DNMT3L: variants seen among roughly 807,000 people sequenced by gnomAD.
The protein encoded by DNMT3L is DNA methyltransferase 3 like.
In DNMT3L, 33 loss-of-function variants were observed where a neutral mutation model predicts 36.2. That is an observed-to-expected ratio of 0.91 (90% CI 0.69 to 1.22). The LOEUF is 1.22. DNMT3L is among the 50% of genes most tolerant of loss of function. DNMT3L has a pLI of 0.00. For synonymous variants in DNMT3L, 117 were observed against 121.7 expected (o/e 0.96, Z 0.26); for missense variants, 310 against 303.1 (o/e 1.02, Z -0.17).
intron 1 of DNMT3L, 42 bp from the exon 2 acceptor site, chr21:44,261,308 GC>G: frequency 6.3e-7 from 1 of 1,586,894 alleles, no homozygotes; most frequent in Non-Finnish European, 8.6e-7. Flanking sequence ...AAAGCCGTCA[GC>G]CCCTGCTCAG....
chr21:44,261,390 C>T (rs2040317802), intron 1 of DNMT3L, 124 bp from the exon 2 acceptor site: 1 of 847,388 alleles, frequency 1.2e-6, no homozygotes, highest in Non-Finnish European at 1.8e-6. Flanking sequence ...CACCTGAACC[C>T]CCGCGGTGAC....
Position 44,259,662 on chromosome 21 carries a change from CAG to C in DNMT3L, c.199_200del (p.Leu67ValfsTer2). The stretch of plus-strand genomic sequence containing the variant: ...ATGGGGCGCAGATCCCTCCCTCAAA[CAG>C]AGGGTGCTGTGTGTGAACCTGGAGA... ...GSLQVHTQHP[L>X]FEGGICAPCK... On this transcript the variant is annotated frameshift_variant, in exon 4 of 12. Coordinates refer to ENST00000628202, the MANE Select transcript of DNMT3L (RefSeq NM_175867.3). LOFTEE classifies it high-confidence loss of function. 6.2e-7 allele frequency: 1 copy of C among 1,613,144 alleles called. No homozygotes were observed. The highest frequency in any genetic ancestry group is 8.5e-7 in the Non-Finnish European group (1 of 1,179,768).
chr21:44,256,277 G>A (rs1601950848), intron 6 of DNMT3L, 123 bp from the exon 7 acceptor site: 5 of 994,048 alleles, frequency 5.0e-6, no homozygotes, highest in Middle Eastern at 2.1e-4. Flanking sequence ...ACACACATAA[G>A]ACACACCTGC....
rs375693062 is a variant in DNMT3L, at chr21:44,259,429, C to A, written c.344+8G>T. 6.2e-7 allele frequency: 1 copy of A among 1,613,380 alleles called. No homozygotes were observed. Among genetic ancestry groups the A allele is most frequent in the Non-Finnish European group, 8.5e-7 (1 of 1,179,930 alleles). On this transcript the variant is annotated splice_region_variant and intron_variant, in intron 5 of 11. Coordinates refer to ENST00000628202, the MANE Select transcript of DNMT3L (RefSeq NM_175867.3). ...CCTTCACCCCCCTGGGCAGGCCCCTCGCCTCACCGGGTGCAATCAGGGTTT... is the reference window on the plus strand; with the variant it reads ...CCTTCACCCCCCTGGGCAGGCCCCTAGCCTCACCGGGTGCAATCAGGGTTT...
intron 6 of DNMT3L, among the ~76,000 whole-genome samples, chr21:44,257,513 C>T (rs1209449572): frequency 6.6e-6 from 1 of 151,592 alleles, no homozygotes; most frequent in African/African-American, 2.4e-5. Flanking sequence ...AACCCCGTCT[C>T]TACTAAAAAT....
Position 44,259,424 on chromosome 21 carries a change from C to G in DNMT3L, c.344+13G>C. The G allele has an allele frequency of 6.2e-7, 1 of 1,613,204 alleles. No homozygotes were observed. Among genetic ancestry groups the G allele is most frequent in the Non-Finnish European group, 8.5e-7 (1 of 1,179,856 alleles). ...CAGCCCCTTCACCCCCCTGGGCAGG[C>G]CCCTCGCCTCACCGGGTGCAATCAG... On this transcript the variant is annotated intron_variant, in intron 5 of 11. Transcript: ENST00000628202.
rs1391079833 is a variant in DNMT3L, at chr21:44,258,428, C to T, written c.516+95G>A. On this transcript the variant is annotated intron_variant, in intron 6 of 11. Transcript: ENST00000628202. This position sits in a 1 kb window ranked among gnomAD's most constrained non-coding sequence, Gnocchi z 6.2. Reference sequence around the variant, plus strand: ...GCTCCCGAGGCTGCAGCCGTGGTGCCCGTCGGCGCGCCTGCATTCTGCAGC... The same window carrying T: ...GCTCCCGAGGCTGCAGCCGTGGTGCTCGTCGGCGCGCCTGCATTCTGCAGC... 1 of 1,437,218 alleles carries T rather than the reference C, an allele frequency of 7.0e-7. No individual in the cohort carries two copies. The highest frequency in any genetic ancestry group is 9.2e-7 in the Non-Finnish European group (1 of 1,086,768). The allele number at this position is 1,437,218 out of a possible 1,614,324, so 89.0% of individuals were successfully genotyped here.
intron 8 of DNMT3L, 73 bp downstream of exon 8, chr21:44,254,544 C>T: frequency 1.9e-6 from 3 of 1,548,662 alleles, no homozygotes; most frequent in Non-Finnish European, 1.8e-6. Flanking sequence ...CCGCCTCATC[C>T]TTGGCATTTC....
Position 44,258,553 on chromosome 21 carries a change from G to C in DNMT3L, c.486C>G (p.Ser162Arg). The change falls in exon 6 of 12, where the codon AGC becomes AGG. Residue 162 changes from serine to arginine, a missense_variant. Coordinates refer to ENST00000628202, the MANE Select transcript of DNMT3L (RefSeq NM_175867.3). The surrounding 1 kb of genome is among the most constrained non-coding windows in gnomAD (Gnocchi z 6.2). Reference protein sequence around the residue: ...GLLQRRRKWRSQLKAFYDRES... With the variant: ...GLLQRRRKWRRQLKAFYDRES... ...CTCGGTCGTAGAAGGCCTTGAGCTG[G>C]CTGCGCCACTTCCTCCGACGCTGCA... is the stretch of plus-strand genomic sequence containing the variant. 3 of 1,593,296 alleles carry C rather than the reference G, an allele frequency of 1.9e-6. No individual in the cohort carries two copies. The highest frequency in any genetic ancestry group is 1.1e-5 in the South Asian group (1 of 88,628).
At chr21:44,260,491 C>T (rs947827657) in intron 3 of DNMT3L, among the ~76,000 whole-genome samples, 3 of 152,206 alleles carry the variant, frequency 2.0e-5, no homozygotes, top group Non-Finnish European at 4.4e-5. Context: ...ATCTCACCGT[C>T]ACCCAGGCTG....
At chr21:44,259,414 C>G (rs189180338) in intron 5 of DNMT3L, 23 bp downstream of exon 5, 118 of 1,612,508 alleles carry the variant, frequency 7.3e-5, no homozygotes, top group Non-Finnish European at 9.2e-5. Context: ...CCTTCACCCC[C>G]CTGGGCAGGC....
chr21:44,258,522 C>T lies in DNMT3L; in HGVS notation c.516+1G>A. The T allele has an allele frequency of 1.3e-6, 2 of 1,559,284 alleles. No individual in the cohort carries two copies. The highest frequency in any genetic ancestry group is 1.7e-6 in the Non-Finnish European group (2 of 1,151,108). On this transcript the variant is annotated splice_donor_variant, in intron 6 of 11. Transcript: ENST00000628202. LOFTEE classifies it high-confidence loss of function. The surrounding 1 kb of genome is among the most constrained non-coding windows in gnomAD (Gnocchi z 6.2). The stretch of plus-strand genomic sequence containing the variant: ...GTGCTGCCCCTCCACGGGCTCCTTA[C>T]CGACTCTCGGTCGTAGAAGGCCTTG...
Position 44,261,176 on chromosome 21 carries a change from G to A in DNMT3L, c.84C>T (p.Ser28=), listed in dbSNP as rs1216784478. Residue 28 remains serine, a synonymous_variant, in exon 2 of 12, where the codon TCC becomes TCT. Coordinates refer to ENST00000628202, the MANE Select transcript of DNMT3L (RefSeq NM_175867.3). Reference sequence around the variant, plus strand: ...CACCTCTGCCTGTCCCGGGTGAAACGGAGCTTGAGAGCTCACTGGATCCCA... The same window carrying A: ...CACCTCTGCCTGTCCCGGGTGAAACAGAGCTTGAGAGCTCACTGGATCCCA... The part of the protein sequence containing the change: ...ILVGSSELSS[S]VSPGTGRDLI... The A allele has an allele frequency of 6.8e-6, 11 of 1,612,576 alleles. No homozygotes were observed. Among genetic ancestry groups the A allele is most frequent in the South Asian group, 3.3e-5 (3 of 91,088 alleles).
chr21:44,255,502 C>T (rs2040250330), intron 7 of DNMT3L, among the ~76,000 whole-genome samples: 1 of 57,992 alleles, frequency 1.7e-5, no homozygotes, highest in Admixed American at 1.4e-4. Context: ...CGAGACTCCG[C>T]CTCAAAAAAA....
In DNMT3L at chr21:44,258,168, C is replaced by A. The variant is rs1858547750; in HGVS notation, c.516+355G>T. Among the ~76,000 whole-genome samples, 1 of 152,188 alleles carries A rather than the reference C, an allele frequency of 6.6e-6. No individual in the cohort carries two copies. Among genetic ancestry groups the A allele is most frequent in the South Asian group, 2.1e-4 (1 of 4,828 alleles). ...TTTGTCTGAGGTTCCTGCCGGCCCC[C>A]CTGGCTCCTCGGCTGGACTCCCAAA... On this transcript the variant is annotated intron_variant, in intron 6 of 11. Coordinates refer to ENST00000628202, the MANE Select transcript of DNMT3L (RefSeq NM_175867.3). The surrounding 1 kb of genome is among the most constrained non-coding windows in gnomAD (Gnocchi z 6.2).
intron 7 of DNMT3L, among the ~76,000 whole-genome samples, chr21:44,255,003 T>C (rs753009842): frequency 6.6e-6 from 1 of 152,026 alleles, no homozygotes; most frequent in African/African-American, 2.4e-5. Flanking sequence ...TTTTTTTGTA[T>C]TTTTAGTAGA....
chr21:44,259,407 T>A (rs752012357), intron 5 of DNMT3L, 30 bp downstream of exon 5: 1 of 1,609,208 alleles, frequency 6.2e-7, no homozygotes, highest in Non-Finnish European at 8.5e-7. Context: ...CTCAGCCCCT[T>A]CACCCCCCTG....
At position 44,258,546 on chromosome 21, in the gene DNMT3L, T is replaced by G; in HGVS notation, c.493A>C (p.Lys165Gln). ...QRRRKWRSQL[K>Q]AFYDRESENP... ...ACCGACTCTCGGTCGTAGAAGGCCT[T>G]GAGCTGGCTGCGCCACTTCCTCCGA... The change falls in exon 6 of 12, where the codon AAG (lysine) becomes CAG (glutamine). Residue 165 changes from lysine (K) to glutamine (Q), a missense_variant. Transcript: ENST00000628202. This position sits in a 1 kb window ranked among gnomAD's most constrained non-coding sequence, Gnocchi z 6.2. 3.8e-6 allele frequency: 6 copies of G among 1,587,898 alleles called. No individual in the cohort carries two copies. Among genetic ancestry groups the G allele is most frequent in the South Asian group, 2.3e-5 (2 of 88,056 alleles).
chr21:44,254,628 CT>C lies in DNMT3L; in HGVS notation c.681del (p.Val228Ter), dbSNP rs1412936103. 4.3e-6 allele frequency: 7 copies of C among 1,613,974 alleles called. No homozygotes were observed. The highest frequency in any genetic ancestry group is 5.9e-6 in the Non-Finnish European group (7 of 1,179,946). On this transcript the variant is annotated frameshift_variant, in exon 8 of 12. Transcript: ENST00000628202. LOFTEE classifies it high-confidence loss of function. ...QLKHVVDVTD[T>X]VRKDVEEWGP... ...ACGGCGGTACTCACATCCTTCCTCA[CT>C]GTGTCTGTGACATCAACCACATGCT...
Sources: gnomAD v4.1 joint callset for allele counts (sites outside exome capture counted in the v4.1 genomes callset) on GRCh38, gnomAD v4.1.1 for gene constraint, Gnocchi (gnomAD v3.1) non-coding constraint, MANE v1.5 for transcripts, NCBI Gene and HGNC (gene_info 2026-07-23, HGNC 2026-07-21) for gene names.